The following GKAP1 variants were observed in gnomAD, a reference collection of about 807,000 sequenced individuals.
GKAP1 encodes G kinase anchoring protein 1.
In GKAP1, 31 loss-of-function variants were observed where a neutral mutation model predicts 56.7. The observed-to-expected ratio is 0.55, with a 90% CI of 0.41 to 0.74. The LOEUF (loss-of-function observed/expected upper bound fraction) is 0.74, where lower values mean the gene tolerates loss of function less well. GKAP1 is among the 30% of genes least tolerant of loss of function. The pLI, the probability that GKAP1 is intolerant of heterozygous loss-of-function variation, is 0.00. For synonymous variants in GKAP1, 151 were observed against 138.6 expected, an observed-to-expected ratio of 1.09 and a Z score of -0.63; for missense variants, 364 against 402.3, an observed-to-expected ratio of 0.90 and a Z score of 0.82.
At chr9:83,759,317 G>C (rs536994792) in intron 8 of GKAP1, among the ~76,000 whole-genome samples, 2 of 152,186 alleles carry the variant, frequency 1.3e-5, no homozygotes, top group African/African-American at 4.8e-5. Flanking sequence ...CTGGAAGGGA[G>C]TGGCATGATC....
intron 3 of GKAP1, among the ~76,000 whole-genome samples, chr9:83,804,431 G>A (rs1437827019): frequency 4.5e-5 from 6 of 133,726 alleles, no homozygotes; most frequent in East Asian, 2.4e-4. Flanking sequence ...CAGCCACCCC[G>A]TCCGGGAGGT....
At chr9:83,802,380 G>A (rs1305805399) in intron 3 of GKAP1, among the ~76,000 whole-genome samples, 3 of 118,900 alleles carry the variant, frequency 2.5e-5, no homozygotes, top group African/African-American at 1.1e-4. Context: ...TCGAGAGGCT[G>A]AGGCAGAAGA....
chr9:83,743,352 T>C (rs963106811), intron 10 of GKAP1, among the ~76,000 whole-genome samples: 4 of 152,152 alleles, frequency 2.6e-5, no homozygotes, highest in Non-Finnish European at 4.4e-5. Context: ...CCTAGCACTT[T>C]GGGAGGCTGA....
rs1006025770 is a variant in GKAP1 at position 83,808,597 on chromosome 9, A to G, written c.-43-2037T>C. ...AGCAACGGAGTCAGACTCTCTCTCA[A>G]AAAAAAATAATAATCCTATATAAAA... is the stretch of plus-strand genomic sequence containing the variant. On this transcript the variant is annotated intron_variant, in intron 2 of 12. Transcript: ENST00000376371. Among the ~76,000 whole-genome samples the G allele has an allele frequency of 2.6e-5, 4 of 152,090 alleles. No individual in the cohort carries two copies. In the South Asian group the frequency reaches 8.3e-4, roughly 32 times the overall value.
At chr9:83,766,136 GTGAATACTCA>G (rs1943659764) in intron 8 of GKAP1, among the ~76,000 whole-genome samples, 1 of 152,122 alleles carries the variant, frequency 6.6e-6, no homozygotes, top group African/African-American at 2.4e-5. Context: ...GTGATAGTGA[GTGAATACTCA>G]TGAGATCTAA....
intron 7 of GKAP1, among the ~76,000 whole-genome samples, chr9:83,777,796 T>A (rs10868060): frequency 0.55 from 84,288 of 152,002 alleles, 24,346 homozygotes; most frequent in Admixed American, 0.69. Context: ...CAAAACTAGT[T>A]CATTTGTAGG....
At chr9:83,795,183 A>G (rs113799033) in intron 4 of GKAP1, among the ~76,000 whole-genome samples, 2,003 of 151,362 alleles carry the variant, frequency 0.013, 28 homozygotes, top group South Asian at 0.035. Flanking sequence ...AAAAAAAGTG[A>G]AAATTATGCA....
At chr9:83,804,929 G>A (rs1280191921) in intron 3 of GKAP1, among the ~76,000 whole-genome samples, 9 of 152,000 alleles carry the variant, frequency 5.9e-5, no homozygotes, top group African/African-American at 2.2e-4. Flanking sequence ...TGGGAAGTGA[G>A]GAGCCCCTCT....
At chr9:83,780,798 A>G (rs550599890) in intron 6 of GKAP1, among the ~76,000 whole-genome samples, 3 of 152,314 alleles carry the variant, frequency 2.0e-5, no homozygotes, top group African/African-American at 7.2e-5. Context: ...ACTACAAAAA[A>G]TGTTCAGATT....
intron 8 of GKAP1, among the ~76,000 whole-genome samples, chr9:83,765,908 C>T (rs1943655650): frequency 1.3e-5 from 2 of 152,086 alleles, no homozygotes; most frequent in South Asian, 2.1e-4. Context: ...CTGGGTTAAT[C>T]GTGGAATGAG....
intron 2 of GKAP1, among the ~76,000 whole-genome samples, chr9:83,811,932 T>G (rs1471078002): frequency 6.6e-6 from 1 of 151,644 alleles, no homozygotes; most frequent in Non-Finnish European, 1.5e-5. Flanking sequence ...TGCAACAGCC[T>G]TGACAGAAAT....
At chr9:83,796,928 C>T (rs1944257943) in intron 4 of GKAP1, among the ~76,000 whole-genome samples, 1 of 152,156 alleles carries the variant, frequency 6.6e-6, no homozygotes, top group African/African-American at 2.4e-5. Context: ...AACATAGATG[C>T]TATCTAAAAT....
intron 2 of GKAP1, among the ~76,000 whole-genome samples, chr9:83,808,394 G>A (rs940003661): frequency 2.0e-5 from 3 of 152,082 alleles, no homozygotes; most frequent in Non-Finnish European, 4.4e-5. Context: ...CCAGGAGTTC[G>A]AAACCAGCCT....
In GKAP1 at chr9:83,779,442, T is replaced by TACACACAC. The variant is rs1298986099; in HGVS notation, c.585+939_585+940insGTGTGTGT. 1.2e-3 allele frequency among the ~76,000 whole-genome samples: 80 copies of TACACACAC among 69,142 alleles called. 2 individuals are homozygous for TACACACAC. Among genetic ancestry groups the TACACACAC allele is most frequent in the Admixed American group, 6.9e-3 (31 of 4,518 alleles). The allele number at this position is 69,142 out of a possible 152,430, so 45.4% of individuals were successfully genotyped here. ...GTCAGAAGCCATATATATATATATATATATATACACACACACACACACGCA... is the reference window on the plus strand; with the variant it reads ...GTCAGAAGCCATATATATATATATATACACACACATATATACACACACACACACACGCA... On this transcript the variant is annotated intron_variant, in intron 7 of 12. Coordinates refer to ENST00000376371, the MANE Select transcript of GKAP1 (RefSeq NM_025211.4).
chr9:83,747,067 T>C (rs749712526), intron 10 of GKAP1, among the ~76,000 whole-genome samples: 1 of 152,274 alleles, frequency 6.6e-6, no homozygotes, highest in Non-Finnish European at 1.5e-5. Flanking sequence ...TGATTAATTT[T>C]GTCTATTCAG....
At chr9:83,740,728 G>T (rs1485214646) in intron 12 of GKAP1, among the ~76,000 whole-genome samples, 1 of 152,102 alleles carries the variant, frequency 6.6e-6, no homozygotes, top group Non-Finnish European at 1.5e-5. Flanking sequence ...CCAAGTTTGG[G>T]AACTACCTTT....
intron 3 of GKAP1, among the ~76,000 whole-genome samples, chr9:83,805,961 G>C (rs1372511922): frequency 6.6e-6 from 1 of 151,964 alleles, no homozygotes; most frequent in African/African-American, 2.4e-5. Context: ...TACAAAAAAC[G>C]CAAAAATTAG....
intron 4 of GKAP1, among the ~76,000 whole-genome samples, chr9:83,789,339 A>G (rs1247453418): frequency 2.0e-5 from 3 of 152,226 alleles, no homozygotes; most frequent in African/African-American, 7.2e-5. Flanking sequence ...TAATCTCTAC[A>G]AGACTTACTT....
chr9:83,800,713 A>G (rs1944318807), intron 3 of GKAP1, among the ~76,000 whole-genome samples: 2 of 152,230 alleles, frequency 1.3e-5, no homozygotes, highest in Admixed American at 6.5e-5. Context: ...AACAATGTAT[A>G]AACAAACTAT....
Sources: gnomAD v4.1 joint callset for allele counts (sites outside exome capture counted in the v4.1 genomes callset) on GRCh38, gnomAD v4.1.1 for gene constraint, MANE v1.5 for transcripts, NCBI Gene and HGNC (gene_info 2026-07-23, HGNC 2026-07-21) for gene names.